NFATC2: variants seen among roughly 807,000 people sequenced by gnomAD.
NFATC2 encodes nuclear factor of activated T-cells, cytoplasmic 2.
Under a neutral mutation model 87.3 loss-of-function variants are expected in NFATC2, and 22 were observed. The observed-to-expected ratio is 0.25, with a 90% confidence interval of 0.18 to 0.36. The LOEUF (loss-of-function observed/expected upper bound fraction) is 0.36. NFATC2 is among the 10% of genes least tolerant of loss of function. The pLI, the probability that NFATC2 is intolerant of heterozygous loss-of-function variation, is 1.00. For synonymous variants in NFATC2, 565 were observed against 542.2 expected (o/e 1.04, Z -0.58); for missense variants, 1,149 against 1,259.1 (o/e 0.91, Z 1.32).
At chr20:51,411,516 CTTTTTTTTTTTTT>C (rs67935951) in intron 9 of NFATC2, among the ~76,000 whole-genome samples, 16,038 of 87,196 alleles carry the variant, frequency 0.18, 1,304 homozygotes, top group East Asian at 0.31. Flanking sequence ...ATGCAATTGT[CTTTTTTTTTTTTT>C]TTTTTTTTTT....
At chr20:51,487,144 A>G (rs1413100556) in intron 3 of NFATC2, among the ~76,000 whole-genome samples, 1 of 152,184 alleles carries the variant, frequency 6.6e-6, no homozygotes, top group Non-Finnish European at 1.5e-5. Flanking sequence ...GAAACAAGGT[A>G]TCTACTATCT....
upstream of NFATC2, chr20:51,562,744 G>T: frequency 1.0e-6 from 1 of 973,728 alleles, no homozygotes; most frequent in Non-Finnish European, 1.5e-6. This position sits in a 1 kb window ranked among gnomAD's most constrained non-coding sequence, Gnocchi z 5.8. Flanking sequence ...CCCTGGCCGA[G>T]GAGCCTCGGA....
intron 3 of NFATC2, 89 bp downstream of exon 3, chr20:51,516,695 C>T: frequency 7.1e-7 from 1 of 1,414,352 alleles, no homozygotes; most frequent in Non-Finnish European, 9.6e-7. Context: ...ACATACCTCA[C>T]CTTAACAAGC....
At chr20:51,422,748 G>A (rs903014072) in intron 9 of NFATC2, among the ~76,000 whole-genome samples, 18 of 152,060 alleles carry the variant, frequency 1.2e-4, no homozygotes, top group African/African-American at 4.1e-4. Flanking sequence ...CAGGGCAGGG[G>A]GCTTTCATTT....
chr20:51,479,298 A>G (rs1478129639), intron 3 of NFATC2, among the ~76,000 whole-genome samples: 1 of 152,188 alleles, frequency 6.6e-6, no homozygotes, highest in Non-Finnish European at 1.5e-5. Flanking sequence ...GTCAATGAAC[A>G]TTTGTTGAAT....
At chr20:51,473,748 A>C (rs1988449866) in intron 5 of NFATC2, among the ~76,000 whole-genome samples, 1 of 152,216 alleles carries the variant, frequency 6.6e-6, no homozygotes, top group Non-Finnish European at 1.5e-5. Context: ...TATTATTTTT[A>C]AATTTCCTGT....
At chr20:51,525,292 C>T (rs750717356) in intron 1 of NFATC2, among the ~76,000 whole-genome samples, 3 of 152,132 alleles carry the variant, frequency 2.0e-5, no homozygotes, top group Non-Finnish European at 4.4e-5. Context: ...CCTCTTTTAG[C>T]GGCTGCCTAG....
intron 5 of NFATC2, among the ~76,000 whole-genome samples, chr20:51,467,622 G>C (rs906890107): frequency 1.3e-5 from 2 of 152,066 alleles, no homozygotes; most frequent in Non-Finnish European, 2.9e-5. Context: ...TAGTCATTAG[G>C]GAAATGCACA....
chr20:51,403,110 AT>A (rs1988220497), intron 9 of NFATC2, among the ~76,000 whole-genome samples: 1 of 152,198 alleles, frequency 6.6e-6, no homozygotes, highest in African/African-American at 2.4e-5. Flanking sequence ...AAGCAGAGGC[AT>A]CCCTGGCCAT....
At position 51,503,847 on chromosome 20, in the gene NFATC2, AT is replaced by A. The variant is rs144065318; in HGVS notation, c.1332+12936del. ...CTTGATGCTTGACCAGCCTGGATTT[AT>A]TTCCTGAATGTTTGAGACAGAGTCT... On this transcript the variant is annotated intron_variant, in intron 3 of 10. Transcript: ENST00000371564. Among the ~76,000 whole-genome samples, 1,215 of 152,230 alleles carry A rather than the reference AT, an allele frequency of 8.0e-3. 19 individuals are homozygous for A. The highest frequency in any genetic ancestry group is 0.028 in the African/African-American group (1,160 of 41,528).
intron 1 of NFATC2, among the ~76,000 whole-genome samples, chr20:51,549,253 T>G (rs1227637112): frequency 7.8e-6 from 1 of 128,326 alleles, no homozygotes; most frequent in Non-Finnish European, 1.6e-5. Context: ...TCTTGAGGTT[T>G]TTTGGTTTTT....
At chr20:51,487,821 A>G (rs1030578386) in intron 3 of NFATC2, among the ~76,000 whole-genome samples, 88 of 148,134 alleles carry the variant, frequency 5.9e-4, no homozygotes, top group African/African-American at 2.0e-3. Flanking sequence ...AAAAAAAAAA[A>G]GGAGAAGGCA....
chr20:51,450,163 C>A (rs1261127859), intron 6 of NFATC2, among the ~76,000 whole-genome samples: 1 of 152,084 alleles, frequency 6.6e-6, no homozygotes, highest in Non-Finnish European at 1.5e-5. Flanking sequence ...AATGTCAGCC[C>A]AGATAGGTGA....
At chr20:51,438,945 G>A (rs1204192423) in intron 6 of NFATC2, among the ~76,000 whole-genome samples, 2 of 152,256 alleles carry the variant, frequency 1.3e-5, no homozygotes, top group Non-Finnish European at 2.9e-5. Context: ...TTCAAAGACA[G>A]GTCAAGGTTG....
intron 1 of NFATC2, among the ~76,000 whole-genome samples, chr20:51,531,347 G>A (rs922447140): frequency 3.3e-5 from 5 of 152,204 alleles, no homozygotes; most frequent in African/African-American, 4.8e-5. Context: ...GGCAGGTGAC[G>A]CTCATCTCTG....
intron 9 of NFATC2, among the ~76,000 whole-genome samples, chr20:51,417,989 C>T (rs750457621): frequency 2.0e-5 from 3 of 152,212 alleles, no homozygotes; most frequent in Non-Finnish European, 4.4e-5. Context: ...ACACATGCCT[C>T]GCCCAAGGCC....
chr20:51,473,892 G>A lies in NFATC2; in HGVS notation c.1708+88C>T, dbSNP rs79617446. On this transcript the variant is annotated intron_variant, in intron 5 of 10. Transcript: ENST00000371564. ...CACACATTCCCGCAGGCCACCCCGGGTACCTCGCCCAGAATACACTGCTCC... is the reference window on the plus strand; with the variant it reads ...CACACATTCCCGCAGGCCACCCCGGATACCTCGCCCAGAATACACTGCTCC... 7,908 of 1,438,632 alleles carry A rather than the reference G, an allele frequency of 5.5e-3. 30 individuals carry two copies. The highest frequency in any genetic ancestry group is 6.8e-3 in the Non-Finnish European group (7,185 of 1,060,744). 89.1% of individuals were successfully genotyped at this position (1,438,632 alleles called of 1,614,324 possible).
At chr20:51,476,919 A>G (rs1988765410) in intron 3 of NFATC2, among the ~76,000 whole-genome samples, 1 of 152,208 alleles carries the variant, frequency 6.6e-6, no homozygotes, top group South Asian at 2.1e-4. Flanking sequence ...GTGGGGGAAC[A>G]GGCACTTTTA....
chr20:51,427,475 C>T (rs73910839), intron 9 of NFATC2, among the ~76,000 whole-genome samples: 2,616 of 152,268 alleles, frequency 0.017, 79 homozygotes, highest in African/African-American at 0.059. Context: ...GGGGCACACT[C>T]CCTGTGAAAT....
Sources: allele counts gnomAD v4.1 joint callset (sites outside exome capture counted in the v4.1 genomes callset), GRCh38; gene constraint gnomAD v4.1.1; non-coding constraint Gnocchi (gnomAD v3.1); transcripts MANE v1.5; gene names NCBI Gene and HGNC (gene_info 2026-07-23, HGNC 2026-07-21).